The following TESK1 variants were observed in gnomAD, a reference collection of about 807,000 sequenced individuals.
The protein encoded by TESK1 is testis associated actin remodelling kinase 1.
Under a neutral mutation model 59.9 loss-of-function variants are expected in TESK1, and 18 were observed. The observed-to-expected ratio is 0.30, with a 90% confidence interval of 0.21 to 0.45. TESK1 has a LOEUF of 0.45. Among genes scored for constraint, TESK1 ranks in the 20% least tolerant of loss-of-function variants. The probability of loss-of-function intolerance (pLI) is 1.00; values close to 1 mark genes in which losing one functional copy is unlikely to be tolerated. For missense variants in TESK1, 748 were observed against 840.9 expected, an observed-to-expected ratio of 0.89 and a Z score of 1.37; for synonymous variants, 341 against 357.4, an observed-to-expected ratio of 0.95 and a Z score of 0.52.
chr9:35,608,927 C>T lies in TESK1; in HGVS notation c.1066C>T (p.Arg356Trp), dbSNP rs759479991. 2.5e-6 allele frequency: 4 copies of T among 1,613,524 alleles called. No homozygotes were observed. Among genetic ancestry groups the T allele is most frequent in the East Asian group, 2.2e-5 (1 of 44,858 alleles). The stretch of plus-strand genomic sequence containing the variant: ...GCCAGATCCCCGGCTTTCCCGAAGC[C>T]GGTCAGACCTCTTCCTGCCCCCATC... ...PRPDPRLSRS[R>W]SDLFLPPSPE... Residue 356 changes from arginine to tryptophan, a missense_variant, in exon 10 of 10, where the codon CGG becomes TGG. By Grantham distance (101) the Arg-to-Trp change is moderately radical. This residue lies in a region of TESK1 where 447 missense variants were observed against 466.1 expected (regional missense o/e 0.96). Coordinates refer to ENST00000336395, the MANE Select transcript of TESK1 (RefSeq NM_006285.3).
rs1822840480 is a variant in TESK1 at position 35,605,993 on chromosome 9, C to T, written c.229C>T (p.Arg77Ter). Residue 77 changes from arginine (R) to a stop codon, truncating the protein, a stop_gained, in exon 2 of 10, where the codon CGA becomes TGA. Transcript: ENST00000336395. LOFTEE classifies it high-confidence loss of function. ...FFSEVYKVRH[R>*]QSGQVMVLKM... is the part of the protein sequence containing the mutation. The stretch of plus-strand genomic sequence containing the variant: ...CTGCTCCTGCCCCCAGGTTCGGCAC[C>T]GACAGTCAGGGCAAGTCATGGTGCT... 6.2e-7 allele frequency: 1 copy of T among 1,613,704 alleles called. No homozygotes were observed. The highest frequency in any genetic ancestry group is 1.1e-5 in the South Asian group (1 of 91,074).
chr9:35,608,774 T>A (rs1248418351), intron 9 of TESK1, 88 bp from the exon 10 acceptor site: 1 of 1,464,744 alleles, frequency 6.8e-7, no homozygotes, highest in Non-Finnish European at 9.2e-7. Flanking sequence ...CAAGCTCTAG[T>A]CCCACCAGCC....
chr9:35,607,496 A>G lies in TESK1; in HGVS notation c.621-86A>G. 1 of 1,586,336 alleles carries G rather than the reference A, an allele frequency of 6.3e-7. No individual in the cohort carries two copies. Among genetic ancestry groups the G allele is most frequent in the Non-Finnish European group, 8.7e-7 (1 of 1,155,354 alleles). ...AGCCCCAGGGATGTTTCCCTTGGGG[A>G]ACGGAGGGAGTTCACCTCATCCCCT... On this transcript the variant is annotated intron_variant, in intron 5 of 9. Coordinates refer to ENST00000336395, the MANE Select transcript of TESK1 (RefSeq NM_006285.3). The surrounding 1 kb of genome is among the most constrained non-coding windows in gnomAD (Gnocchi z 4.5).
At position 35,605,638 on chromosome 9, in the gene TESK1, C is replaced by A; in HGVS notation, c.19C>A (p.Pro7Thr). 8.3e-7 allele frequency: 1 copy of A among 1,205,868 alleles called. No individual in the cohort carries two copies. The highest frequency in any genetic ancestry group is 1.0e-6 in the Non-Finnish European group (1 of 967,828). The allele number at this position is 1,205,868 out of a possible 1,614,324, so 74.7% of individuals were successfully genotyped here. The change falls in exon 1 of 10, where the codon CCA (proline) becomes ACA (threonine). Residue 7 changes from proline (P) to threonine (T), a missense_variant. Coordinates refer to ENST00000336395, the MANE Select transcript of TESK1 (RefSeq NM_006285.3). MAGERPPLRGPGPGPGE... is the reference protein window; with the variant it reads MAGERPTLRGPGPGPGE... ...CCCGGCCATGGCCGGGGAACGGCCC[C>A]CACTGCGGGGCCCTGGGCCCGGGCC...
At chr9:35,608,138 G>A (rs994156571) in intron 7 of TESK1, 22 bp from the exon 8 acceptor site, 1 of 1,613,544 alleles carries the variant, frequency 6.2e-7, no homozygotes, top group Admixed American at 1.7e-5. Context: ...TGACTTGGAG[G>A]TCCCTCCTTC....
chr9:35,608,768 C>T lies in TESK1; in HGVS notation c.1001-94C>T, dbSNP rs956837433. On this transcript the variant is annotated intron_variant, in intron 9 of 9. Transcript: ENST00000336395. ...ACCAGGTGGGACTCCCTTTTTCAAG[C>T]TCTAGTCCCACCAGCCTCCTGGAGA... The T allele has an allele frequency of 2.1e-6, 3 of 1,434,796 alleles. No individual in the cohort carries two copies. In the African/African-American group the frequency reaches 4.3e-5, roughly 20 times the overall value. 88.9% of individuals were successfully genotyped at this position (1,434,796 alleles called of 1,614,324 possible). A position where few individuals can be genotyped will look rare whatever the true frequency, so the allele number is the denominator to read the frequency against.
In TESK1 at chr9:35,609,110, C is replaced by A; in HGVS notation, c.1249C>A (p.Pro417Thr). 1.2e-6 allele frequency: 2 copies of A among 1,614,194 alleles called. No homozygotes were observed. The highest frequency in any genetic ancestry group is 4.5e-5 in the East Asian group (2 of 44,886). ...PPSPFPSTQL[P>T]LVTTPETLVQ... The stretch of plus-strand genomic sequence containing the variant: ...ATCACCATTCCCATCCACTCAGCTG[C>A]CCTTGGTGACCACTCCGGAGACCCT... The change falls in exon 10 of 10, where the codon CCC (proline) becomes ACC (threonine). Residue 417 changes from proline to threonine, a missense_variant. Transcript: ENST00000336395. The surrounding 1 kb of genome is among the most constrained non-coding windows in gnomAD (Gnocchi z 6.7).
chr9:35,606,527 C>T (rs753566734), intron 3 of TESK1, among the ~76,000 whole-genome samples: 1 of 152,286 alleles, frequency 6.6e-6, no homozygotes, highest in Admixed American at 6.5e-5. Context: ...GAAATGTTCT[C>T]TATCTGTGCT....
At chr9:35,608,063 A>T in intron 7 of TESK1, 52 bp downstream of exon 7, 1 of 1,611,286 alleles carries the variant, frequency 6.2e-7, no homozygotes, top group Non-Finnish European at 8.5e-7. Context: ...CTGGCTCATA[A>T]CCAAGGAGGA....
Position 35,608,934 on chromosome 9 carries a change from A to T in TESK1, c.1073A>T (p.Asp358Val), listed in dbSNP as rs764345169. 6.2e-7 allele frequency: 1 copy of T among 1,613,790 alleles called. No individual in the cohort carries two copies. Among genetic ancestry groups the T allele is most frequent in the Non-Finnish European group, 8.5e-7 (1 of 1,179,900 alleles). Residue 358 changes from aspartate (D) to valine (V), a missense_variant, in exon 10 of 10, where the codon GAC (aspartate) becomes GTC (valine). Physicochemically the swap from Asp to Val is radical, Grantham distance 152 (BLOSUM62 -3). Around this residue, in one of 3 missense-constraint regions of TESK1, gnomAD observed 447 missense variants for 466.1 expected, o/e 0.96. Coordinates refer to ENST00000336395, the MANE Select transcript of TESK1 (RefSeq NM_006285.3). ...PDPRLSRSRSDLFLPPSPESP... is the reference protein window; with the variant it reads ...PDPRLSRSRSVLFLPPSPESP... ...CCCCGGCTTTCCCGAAGCCGGTCAG[A>T]CCTCTTCCTGCCCCCATCACCAGAA...
rs756520511 is a variant in TESK1 at position 35,608,479 on chromosome 9, C to A, written c.970C>A (p.Leu324Ile). Reference sequence around the variant, plus strand: ...GGAGCAGCTGCCTGAGCCAGCCCCACTCACCAGGACCGCCCTGACACACAA... The same window carrying A: ...GGAGCAGCTGCCTGAGCCAGCCCCAATCACCAGGACCGCCCTGACACACAA... ...ILEQLPEPAP[L>I]TRTALTHNQG... is the part of the protein sequence containing the mutation. Residue 324 changes from leucine (L) to isoleucine (I), a missense_variant, in exon 9 of 10, where the codon CTC (leucine) becomes ATC (isoleucine). By Grantham distance (5) the Leu-to-Ile change is conservative (BLOSUM62 2). This residue lies in a region of TESK1 where 447 missense variants were observed against 466.1 expected (regional missense o/e 0.96). Transcript: ENST00000336395. The A allele has an allele frequency of 7.4e-6, 12 of 1,614,080 alleles. No homozygotes were observed. The Admixed American group carries it at 2.0e-4, about 27-fold the overall frequency.
intron 3 of TESK1, 88 bp from the exon 4 acceptor site, chr9:35,606,749 C>T: frequency 7.3e-7 from 1 of 1,369,216 alleles, no homozygotes; most frequent in Non-Finnish European, 1.0e-6. Context: ...CTCTGTGATC[C>T]TCGGGAGTGT....
chr9:35,608,603 T>C, intron 9 of TESK1, 94 bp downstream of exon 9: 2 of 1,230,880 alleles, frequency 1.6e-6, no homozygotes, highest in South Asian at 1.3e-5. Flanking sequence ...GTATATTTAT[T>C]AGTTGAAAAG....
rs748026004 is a variant in TESK1, at chr9:35,605,702, G to C, written c.83G>C (p.Gly28Ala). 4.0e-6 allele frequency: 6 copies of C among 1,506,524 alleles called. No individual in the cohort carries two copies. The highest frequency in any genetic ancestry group is 2.3e-5 in the Admixed American group (1 of 42,926). 93.3% of individuals were successfully genotyped at this position (1,506,524 alleles called of 1,614,324 possible). A position where few individuals can be genotyped will look rare whatever the true frequency, so the allele number is the denominator to read the frequency against. The change falls in exon 1 of 10, where the codon GGC (glycine) becomes GCC (alanine). Residue 28 changes from glycine to alanine, a missense_variant. Physicochemically the swap from Gly to Ala is moderately conservative, Grantham distance 60. Transcript: ENST00000336395. The stretch of plus-strand genomic sequence containing the variant: ...GGGGAGGGGCCCCCGGGGCCGGGGG[G>C]CACGGGCGGAGGCCCGGGCCGGGGC... ...VPGEGPPGPGGTGGGPGRGRP... is the reference protein window; with the variant it reads ...VPGEGPPGPGATGGGPGRGRP...
chr9:35,608,579 A>T, intron 9 of TESK1, 70 bp downstream of exon 9: 3 of 1,192,614 alleles, frequency 2.5e-6, no homozygotes, highest in East Asian at 3.6e-5. Context: ...CAGAGGTGAC[A>T]TGGGGGAGGC....
At position 35,606,146 on chromosome 9, in the gene TESK1, A is replaced by G. The variant is rs768464099; in HGVS notation, c.341+41A>G. 3 of 1,614,026 alleles carry G rather than the reference A, an allele frequency of 1.9e-6. No homozygotes were observed. In the South Asian group the frequency reaches 3.3e-5, roughly 18 times the overall value. On this transcript the variant is annotated intron_variant, in intron 2 of 9. Coordinates refer to ENST00000336395, the MANE Select transcript of TESK1 (RefSeq NM_006285.3). ...CTCTGGGCAGCTTGCTGGGCGGGAG[A>G]GAAAGGGAAAGATCCCGCGGGAAAA... is the stretch of plus-strand genomic sequence containing the variant.
Position 35,606,434 on chromosome 9 carries a change from A to G in TESK1, c.390+149A>G, listed in dbSNP as rs115452563. 9.4e-4 allele frequency: 839 copies of G among 889,842 alleles called. 3 individuals carry two copies. In the African/African-American group the frequency reaches 0.013, roughly 14 times the overall value. The allele number at this position is 889,842 out of a possible 1,614,324, so 55.1% of individuals were successfully genotyped here. ...GCTTTCCTGAACTTTCCTTTAGGCAAACCACATATAAAAGGCCTCAACTGG... is the reference window on the plus strand; with the variant it reads ...GCTTTCCTGAACTTTCCTTTAGGCAGACCACATATAAAAGGCCTCAACTGG... On this transcript the variant is annotated intron_variant, in intron 3 of 9. Coordinates refer to ENST00000336395, the MANE Select transcript of TESK1 (RefSeq NM_006285.3).
At position 35,609,309 on chromosome 9, in the gene TESK1, C is replaced by G. The variant is rs774630088; in HGVS notation, c.1448C>G (p.Ala483Gly). The change falls in exon 10 of 10, where the codon GCG becomes GGG. Residue 483 changes from alanine (A) to glycine (G), a missense_variant. By Grantham distance (60) the Ala-to-Gly change is moderately conservative (BLOSUM62 0). This residue lies in a region of TESK1 where 447 missense variants were observed against 466.1 expected (regional missense o/e 0.96). Transcript: ENST00000336395. This position sits in a 1 kb window ranked among gnomAD's most constrained non-coding sequence, Gnocchi z 6.7. ...SSPEPEPPGP[A>G]PQLPLAVATD... ...CCTGAGCCGGAACCTCCAGGGCCAG[C>G]GCCCCAGCTGCCTCTGGCTGTGGCC... is the stretch of plus-strand genomic sequence containing the variant. The G allele has an allele frequency of 1.9e-6, 3 of 1,613,760 alleles. No homozygotes were observed. In the Admixed American group the frequency reaches 5.0e-5, roughly 27 times the overall value.
chr9:35,608,770 C>G (rs1822904716), intron 9 of TESK1, 92 bp from the exon 10 acceptor site: 1 of 1,442,664 alleles, frequency 6.9e-7, no homozygotes, highest in Non-Finnish European at 9.3e-7. Context: ...TTTTCAAGCT[C>G]TAGTCCCACC....
Sources: allele counts gnomAD v4.1 joint callset (sites outside exome capture counted in the v4.1 genomes callset), GRCh38; gene constraint gnomAD v4.1.1; regional missense constraint gnomAD v4.1.1; non-coding constraint Gnocchi (gnomAD v3.1); transcripts MANE v1.5; gene names NCBI Gene and HGNC (gene_info 2026-07-23, HGNC 2026-07-21).